The following SPAG16 variants were observed in gnomAD, a reference collection of about 807,000 sequenced individuals.
SPAG16 encodes the protein sperm associated antigen 16, also known as sperm-associated antigen 16 protein.
A neutral mutation model predicts 80.4 loss-of-function variants in SPAG16; 86 were observed. The observed-to-expected ratio is 1.07, with a 90% CI of 0.90 to 1.28. The LOEUF is 1.28. SPAG16 is among the 50% of genes most tolerant of loss of function. The probability of loss-of-function intolerance (pLI) is 0.00; values close to 1 mark genes in which losing one functional copy is unlikely to be tolerated. For synonymous variants in SPAG16, 294 were observed against 265.9 expected (o/e 1.11, Z -1.03); for missense variants, 870 against 765.3 (o/e 1.14, Z -1.61).
At chr2:214,324,324 T>C (rs1286137419) in intron 15 of SPAG16, among the ~76,000 whole-genome samples, 1 of 152,156 alleles carries the variant, frequency 6.6e-6, no homozygotes, top group East Asian at 1.9e-4. Flanking sequence ...CATTTTAAAG[T>C]TTTTAGTATT....
intron 13 of SPAG16, among the ~76,000 whole-genome samples, chr2:214,034,376 T>G (rs1387717057): frequency 6.6e-6 from 1 of 152,232 alleles, no homozygotes; most frequent in African/African-American, 2.4e-5. Context: ...TTTCACCTAT[T>G]AGTGTTACAG....
intron 15 of SPAG16, among the ~76,000 whole-genome samples, chr2:214,278,673 G>A (rs1170154075): frequency 6.6e-6 from 1 of 152,092 alleles, no homozygotes; most frequent in African/African-American, 2.4e-5. Context: ...AATATGAGGG[G>A]CAAATTTGAG....
chr2:213,857,675 C>G (rs2075235299), intron 10 of SPAG16, among the ~76,000 whole-genome samples: 1 of 152,182 alleles, frequency 6.6e-6, no homozygotes, highest in African/African-American at 2.4e-5. Context: ...GACAGAACAT[C>G]AATTCTGCTT....
chr2:214,201,843 T>C (rs2058018256), intron 15 of SPAG16, among the ~76,000 whole-genome samples: 1 of 152,128 alleles, frequency 6.6e-6, no homozygotes, highest in South Asian at 2.1e-4. Context: ...CCTTTCCTTT[T>C]ATTTATTTAT....
chr2:213,519,032 G>A (rs1193932941), intron 10 of SPAG16, among the ~76,000 whole-genome samples: 1 of 152,180 alleles, frequency 6.6e-6, no homozygotes, highest in Non-Finnish European at 1.5e-5. Flanking sequence ...AGCACACATA[G>A]ACGTAAACTT....
intron 15 of SPAG16, among the ~76,000 whole-genome samples, chr2:214,214,097 A>G (rs945635249): frequency 1.3e-5 from 2 of 151,824 alleles, no homozygotes; most frequent in African/African-American, 4.8e-5. Flanking sequence ...TTTTTATTCT[A>G]TGGAAACAAT....
chr2:214,052,310 C>T (rs2049692229), intron 13 of SPAG16, among the ~76,000 whole-genome samples: 1 of 152,218 alleles, frequency 6.6e-6, no homozygotes, highest in Non-Finnish European at 1.5e-5. Flanking sequence ...AGGCGACCTT[C>T]TTTGTAGCAA....
chr2:213,483,307 G>A (rs1454065435), intron 9 of SPAG16, among the ~76,000 whole-genome samples: 2 of 149,456 alleles, frequency 1.3e-5, no homozygotes, highest in Admixed American at 6.6e-5. Context: ...CTCAGAGTAC[G>A]TTTTTAGAAA....
chr2:213,902,288 G>T (rs1559567813), intron 11 of SPAG16, among the ~76,000 whole-genome samples: 2 of 152,078 alleles, frequency 1.3e-5, no homozygotes, highest in Admixed American at 6.5e-5. Context: ...AAAATACATA[G>T]TACATTTATG....
chr2:214,121,155 A>G (rs1322746520), intron 14 of SPAG16, among the ~76,000 whole-genome samples: 1 of 151,870 alleles, frequency 6.6e-6, no homozygotes, highest in Non-Finnish European at 1.5e-5. Context: ...CATTTTACCC[A>G]ATATCTCCAC....
chr2:213,509,339 C>T (rs934016384), intron 10 of SPAG16, among the ~76,000 whole-genome samples: 8 of 152,260 alleles, frequency 5.3e-5, no homozygotes, highest in African/African-American at 1.7e-4. Context: ...ACCTCATAAG[C>T]ATGTTTCATA....
intron 15 of SPAG16, among the ~76,000 whole-genome samples, chr2:214,376,007 T>C (rs1288431734): frequency 6.6e-6 from 1 of 152,126 alleles, no homozygotes; most frequent in African/African-American, 2.4e-5. Flanking sequence ...AAGATCTATA[T>C]GCTTCAGATT....
At chr2:213,495,786 G>A (rs2125753415) in intron 10 of SPAG16, among the ~76,000 whole-genome samples, 1 of 152,312 alleles carries the variant, frequency 6.6e-6, no homozygotes, top group South Asian at 2.1e-4. Flanking sequence ...GGAGCACTAG[G>A]AAGAAAATTA....
chr2:213,992,325 C>T (rs569754667), intron 12 of SPAG16, among the ~76,000 whole-genome samples: 1 of 152,236 alleles, frequency 6.6e-6, no homozygotes, highest in South Asian at 2.1e-4. Context: ...TACACCTTAA[C>T]TGTTTGCATT....
intron 12 of SPAG16, among the ~76,000 whole-genome samples, chr2:213,962,099 C>T (rs967924191): frequency 6.6e-6 from 1 of 151,910 alleles, no homozygotes; most frequent in Non-Finnish European, 1.5e-5. Flanking sequence ...AGCCCTAAGC[C>T]CCAAGTAATT....
At chr2:213,388,986 C>G (rs1236094700) in intron 9 of SPAG16, among the ~76,000 whole-genome samples, 1 of 152,106 alleles carries the variant, frequency 6.6e-6, no homozygotes, top group African/African-American at 2.4e-5. Context: ...GAAGAACAAA[C>G]TTGGAAGACT....
chr2:213,611,362 C>A (rs763523695), intron 10 of SPAG16, among the ~76,000 whole-genome samples: 2 of 152,218 alleles, frequency 1.3e-5, no homozygotes, highest in Non-Finnish European at 2.9e-5. Flanking sequence ...GTATTAATAG[C>A]ATGTTTTTTT....
chr2:214,167,959 CT>C (rs1247670332), intron 15 of SPAG16, among the ~76,000 whole-genome samples: 11 of 147,252 alleles, frequency 7.5e-5, no homozygotes, highest in Admixed American at 6.8e-4. Flanking sequence ...TTTTCTTTTT[CT>C]TTTTTTCTGT....
intron 10 of SPAG16, among the ~76,000 whole-genome samples, chr2:213,518,383 T>G (rs375910531): frequency 6.6e-6 from 1 of 152,168 alleles, no homozygotes; most frequent in Non-Finnish European, 1.5e-5. Context: ...TCCTCTTGCC[T>G]CAGCCTCCTA....
Sources: allele counts gnomAD v4.1 joint callset (sites outside exome capture counted in the v4.1 genomes callset), GRCh38; gene constraint gnomAD v4.1.1; transcripts MANE v1.5; gene names NCBI Gene and HGNC (gene_info 2026-07-23, HGNC 2026-07-21).